Variants in HDAC9 observed in about 807,000 individuals in gnomAD.
The protein encoded by HDAC9 is MEF-2 interacting transcription repressor (MITR) protein.
Under a neutral mutation model 139.4 loss-of-function variants are expected in HDAC9, and 41 were observed. The observed-to-expected ratio is 0.29, with a 90% CI of 0.23 to 0.38. The LOEUF (loss-of-function observed/expected upper bound fraction) is 0.38, where lower values mean the gene tolerates loss of function less well. HDAC9 is among the 10% of genes least tolerant of loss of function. The probability of loss-of-function intolerance (pLI) is 1.00; values close to 1 mark genes in which losing one functional copy is unlikely to be tolerated. For synonymous variants in HDAC9, 517 were observed against 476.2 expected, an observed-to-expected ratio of 1.09 and a Z score of -1.12; for missense variants, 1,147 against 1,297.0, an observed-to-expected ratio of 0.88 and a Z score of 1.78.
In HDAC9 at chr7:18,727,670, C is replaced by A. The variant is rs772377916; in HGVS notation, c.1822C>A (p.Leu608Ile). The change falls in exon 13 of 26, where the codon CTC (leucine) becomes ATC (isoleucine). Residue 608 changes from leucine to isoleucine, a missense_variant. Leu to Ile is a conservative substitution (Grantham distance 5, BLOSUM62 2). This residue lies in a region of HDAC9 where 256 missense variants were observed against 219.2 expected (regional missense o/e 1.17). Transcript: ENST00000686413. ...VGMDGLEKHRLVSRTHSSPAA... is the reference protein window; with the variant it reads ...VGMDGLEKHRIVSRTHSSPAA... ...CATGGATGGATTAGAGAAACACCGT[C>A]TCGTCTCCAGGACTCACTCTTCCCC... The A allele has an allele frequency of 3.8e-6, 6 of 1,592,518 alleles. No homozygotes were observed. The highest frequency in any genetic ancestry group is 5.1e-6 in the Non-Finnish European group (6 of 1,171,904).
At position 18,496,032 on chromosome 7, in the gene HDAC9, C is replaced by T; in HGVS notation, c.-42+9C>T. The T allele has an allele frequency of 7.0e-7, 1 of 1,432,400 alleles. No homozygotes were observed. The highest frequency in any genetic ancestry group is 9.1e-7 in the Non-Finnish European group (1 of 1,097,552). The allele number at this position is 1,432,400 out of a possible 1,614,324, so 88.7% of individuals were successfully genotyped here. On this transcript the variant is annotated intron_variant, in intron 1 of 25. Transcript: ENST00000686413. ...TTCTGCTTTGCACACAGGTTGGTAA[C>T]ATGGGAAAAGTGTCCAGGTCTTTTT...
At chr7:18,563,839 T>C (rs887954340) in intron 2 of HDAC9, among the ~76,000 whole-genome samples, 5 of 59,340 alleles carry the variant, frequency 8.4e-5, no homozygotes, top group African/African-American at 3.4e-4. Context: ...GATTTGCTGC[T>C]TTTTTTTTTT....
intron 1 of HDAC9, among the ~76,000 whole-genome samples, chr7:18,154,096 T>C (rs6971014): frequency 0.16 from 23,824 of 152,134 alleles, 3,363 homozygotes; most frequent in African/African-American, 0.38. Context: ...ATCCGGGGAA[T>C]AGACTTCATG....
chr7:18,818,710 C>T (rs899489097), intron 17 of HDAC9, among the ~76,000 whole-genome samples: 7 of 152,128 alleles, frequency 4.6e-5, no homozygotes, highest in Non-Finnish European at 7.4e-5. Flanking sequence ...TTCTGGTACA[C>T]GATGTGTTCT....
intron 1 of HDAC9, among the ~76,000 whole-genome samples, chr7:18,481,846 G>A (rs947119561): frequency 2.0e-5 from 3 of 152,148 alleles, no homozygotes; most frequent in African/African-American, 7.2e-5. Context: ...GAATGCTTGA[G>A]GTTCAGTTCT....
intron 2 of HDAC9, among the ~76,000 whole-genome samples, chr7:18,531,949 A>G (rs1465148639): frequency 6.6e-6 from 1 of 152,198 alleles, no homozygotes; most frequent in Non-Finnish European, 1.5e-5. Flanking sequence ...CTTTCATTTT[A>G]TATTTAAAGA....
intron 6 of HDAC9, among the ~76,000 whole-genome samples, chr7:18,618,485 C>T (rs753646223): frequency 3.3e-5 from 5 of 151,906 alleles, no homozygotes; most frequent in South Asian, 2.1e-4. Context: ...TGACCTATAA[C>T]GTTTTCTGGG....
chr7:18,564,371 G>A (rs560692447), intron 2 of HDAC9, among the ~76,000 whole-genome samples: 2 of 152,296 alleles, frequency 1.3e-5, no homozygotes, highest in East Asian at 3.9e-4. Flanking sequence ...TTTATCAAGT[G>A]TGAGGTAATC....
chr7:18,131,317 TATTG>T (rs1784987129), intron 1 of HDAC9, among the ~76,000 whole-genome samples: 1 of 152,106 alleles, frequency 6.6e-6, no homozygotes, highest in Non-Finnish European at 1.5e-5. Context: ...ACTTAAAAAA[TATTG>T]ATTGATTGAT....
At chr7:18,251,844 G>A (rs1318581622) in intron 2 of HDAC9, among the ~76,000 whole-genome samples, 1 of 152,062 alleles carries the variant, frequency 6.6e-6, no homozygotes, top group African/African-American at 2.4e-5. Flanking sequence ...TCCCAATTCT[G>A]CAAACTACCA....
chr7:18,546,790 T>G (rs1178761773), intron 2 of HDAC9, among the ~76,000 whole-genome samples: 1 of 152,028 alleles, frequency 6.6e-6, no homozygotes, highest in Non-Finnish European at 1.5e-5. Flanking sequence ...CACCTGAGAG[T>G]GTTCACAGTG....
At chr7:18,646,085 ACT>A (rs1231491576) in intron 9 of HDAC9, among the ~76,000 whole-genome samples, 1 of 152,208 alleles carries the variant, frequency 6.6e-6, no homozygotes, top group Non-Finnish European at 1.5e-5. Flanking sequence ...TAGGAATGAA[ACT>A]AAAAATAAAT....
At chr7:18,624,750 G>A (rs1295227615) in intron 6 of HDAC9, among the ~76,000 whole-genome samples, 2 of 151,688 alleles carry the variant, frequency 1.3e-5, no homozygotes, top group East Asian at 3.9e-4. Context: ...TCTTCTGCTT[G>A]GGTATATATC....
At chr7:18,593,309 C>T (rs1309470208) in intron 5 of HDAC9, among the ~76,000 whole-genome samples, 1 of 151,964 alleles carries the variant, frequency 6.6e-6, no homozygotes, top group East Asian at 1.9e-4. Flanking sequence ...AGCACAGTTG[C>T]ATCTCTTAGA....
At chr7:18,640,609 G>T (rs1039244672) in intron 8 of HDAC9, among the ~76,000 whole-genome samples, 3 of 150,932 alleles carry the variant, frequency 2.0e-5, no homozygotes, top group East Asian at 2.0e-4. Flanking sequence ...ATTCTCTCCC[G>T]TGTTCTTGTT....
intron 2 of HDAC9, among the ~76,000 whole-genome samples, chr7:18,558,794 G>A (rs1435944186): frequency 6.6e-6 from 1 of 152,186 alleles, no homozygotes; most frequent in East Asian, 1.9e-4. Context: ...AATTATCAAT[G>A]TAATGACGTT....
intron 2 of HDAC9, among the ~76,000 whole-genome samples, chr7:18,549,745 G>GT (rs538089618): frequency 0.012 from 1,760 of 142,252 alleles, 21 homozygotes; most frequent in Middle Eastern, 0.07. Context: ...TAAAAAGGTG[G>GT]TTTTTTTTTT....
At chr7:18,233,138 T>C (rs1411862236) in intron 2 of HDAC9, among the ~76,000 whole-genome samples, 1 of 152,186 alleles carries the variant, frequency 6.6e-6, no homozygotes, top group Non-Finnish European at 1.5e-5. Flanking sequence ...ACATTTTTAA[T>C]GGCAGCTCAT....
chr7:18,464,060 G>A (rs1352531526), intron 1 of HDAC9, among the ~76,000 whole-genome samples: 2 of 151,878 alleles, frequency 1.3e-5, no homozygotes, highest in Non-Finnish European at 2.9e-5. Context: ...AAATCTCCCA[G>A]CATGTCTGTT....
Sources: allele counts gnomAD v4.1 joint callset (sites outside exome capture counted in the v4.1 genomes callset), GRCh38; gene constraint gnomAD v4.1.1; regional missense constraint gnomAD v4.1.1; transcripts MANE v1.5; gene names NCBI Gene and HGNC (gene_info 2026-07-23, HGNC 2026-07-21).